Variants in RERE observed in about 807,000 individuals in gnomAD.
The protein encoded by RERE is arginine-glutamic acid dipeptide repeats, also known as arginine-glutamic acid dipeptide repeats protein.
A neutral mutation model predicts 146.1 loss-of-function variants in RERE; 40 were observed. That is an observed-to-expected ratio of 0.27 (90% CI 0.21 to 0.36). The LOEUF is 0.36. Ranked by LOEUF, RERE falls within the 10% of genes least tolerant of loss-of-function variation. The pLI, the probability that RERE is intolerant of heterozygous loss-of-function variation, is 1.00. For missense variants in RERE, 1,933 were observed against 2,138.7 expected, an observed-to-expected ratio of 0.90 and a Z score of 1.90; for synonymous variants, 1,003 against 866.0, an observed-to-expected ratio of 1.16 and a Z score of -2.78.
rs907011093 is a variant in RERE at position 8,554,666 on chromosome 1, G to T, written c.725+1809C>A. Among the ~76,000 whole-genome samples the T allele has an allele frequency of 4.1e-5, 5 of 121,356 alleles. No individual in the cohort carries two copies. The East Asian group carries it at 1.2e-3, about 30-fold the overall frequency. 79.6% of individuals were successfully genotyped at this position (121,356 alleles called of 152,430 possible). A position where few individuals can be genotyped will look rare whatever the true frequency, so the allele number is the denominator to read the frequency against. On this transcript the variant is annotated intron_variant, in intron 6 of 22. Coordinates refer to ENST00000400908, the MANE Select transcript of RERE (RefSeq NM_001042681.2). ...TGCACTCCAGGCTGGACAACAGAGC[G>T]AGATCCTGTCTCAAAAAAAAAAAAA...
Position 8,755,429 on chromosome 1 carries a change from G to A in RERE, c.-145+61731C>T, listed in dbSNP as rs563109657. On this transcript the variant is annotated intron_variant, in intron 1 of 22. Coordinates refer to ENST00000400908, the MANE Select transcript of RERE (RefSeq NM_001042681.2). ...TTAGCAGTCCTGTATTTTAGAAAAG[G>A]AACGTTTTGTAGATCTGTTGTTTAT... Among the ~76,000 whole-genome samples the A allele has an allele frequency of 5.3e-5, 8 of 152,240 alleles. No individual in the cohort carries two copies. The East Asian group carries it at 1.5e-3, about 29-fold the overall frequency.
intron 1 of RERE, among the ~76,000 whole-genome samples, chr1:8,784,714 C>T (rs1387019058): frequency 2.6e-5 from 4 of 152,024 alleles, no homozygotes; most frequent in Non-Finnish European, 4.4e-5. Context: ...TCCTAAAAGA[C>T]CCCAACTCTA....
At chr1:8,576,803 G>GT (rs1246634550) in intron 4 of RERE, among the ~76,000 whole-genome samples, 11 of 152,212 alleles carry the variant, frequency 7.2e-5, no homozygotes, top group Non-Finnish European at 1.6e-4. Context: ...TATAGAAAGA[G>GT]TAACTGGGCA....
At chr1:8,564,914 C>T (rs1473232869) in intron 4 of RERE, among the ~76,000 whole-genome samples, 4 of 150,404 alleles carry the variant, frequency 2.7e-5, no homozygotes, top group Non-Finnish European at 5.9e-5. Context: ...AAAAAGAAGA[C>T]TCCTGTCATC....
intron 12 of RERE, among the ~76,000 whole-genome samples, chr1:8,411,009 T>G (rs1424076361): frequency 6.6e-6 from 1 of 152,034 alleles, no homozygotes; most frequent in Admixed American, 6.6e-5. Context: ...TCCAGAAAAA[T>G]GTTGCAACAA....
rs1641728360 is a variant in RERE, at chr1:8,364,675, G to T, written c.1540+71C>A. 9.3e-6 allele frequency: 10 copies of T among 1,077,076 alleles called. No individual in the cohort carries two copies. In the East Asian group the frequency reaches 9.5e-5, roughly 10 times the overall value. The allele number at this position is 1,077,076 out of a possible 1,614,324, so 66.7% of individuals were successfully genotyped here. A position where few individuals can be genotyped will look rare whatever the true frequency, so the allele number is the denominator to read the frequency against. Reference sequence around the variant, plus strand: ...GTCCCTGGCAGGTTTCCAGCTGGATGCATGAAATGTTCAGAACATGGAAGT... The same window carrying T: ...GTCCCTGGCAGGTTTCCAGCTGGATTCATGAAATGTTCAGAACATGGAAGT... On this transcript the variant is annotated intron_variant, in intron 14 of 22. Transcript: ENST00000400908. The surrounding 1 kb of genome is among the most constrained non-coding windows in gnomAD (Gnocchi z 5.1).
chr1:8,559,296 A>AAAAAAAAAAAAAAC, intron 4 of RERE, among the ~76,000 whole-genome samples: 2 of 144,748 alleles, frequency 1.4e-5, no homozygotes, highest in African/African-American at 2.5e-5. Flanking sequence ...AAAAAAAAAA[A>AAAAAAAAAAAAAAC]AAAAAAAACA....
chr1:8,771,891 C>CA (rs1376858075), intron 1 of RERE, among the ~76,000 whole-genome samples: 1 of 118,268 alleles, frequency 8.5e-6, no homozygotes, highest in Non-Finnish European at 1.6e-5. Context: ...GCCTGGGTGA[C>CA]AGAGTGAGAC....
At chr1:8,359,148 C>T (rs1641443377) in intron 19 of RERE, among the ~76,000 whole-genome samples, 2 of 152,172 alleles carry the variant, frequency 1.3e-5, no homozygotes, top group African/African-American at 2.4e-5. Context: ...GGAATGTGTC[C>T]CTGTGAGACT....
intron 6 of RERE, among the ~76,000 whole-genome samples, chr1:8,544,163 A>T (rs1263005280): frequency 6.6e-6 from 1 of 152,210 alleles, no homozygotes; most frequent in East Asian, 1.9e-4. Context: ...TGCTATCAAT[A>T]GAGTGAAAAC....
chr1:8,384,966 T>G (rs1642587782), intron 12 of RERE, among the ~76,000 whole-genome samples: 2 of 152,176 alleles, frequency 1.3e-5, no homozygotes, highest in Admixed American at 1.3e-4. Context: ...AGGCAGCACC[T>G]AACAAGTCTC....
At chr1:8,488,756 C>T (rs1644937815) in intron 10 of RERE, among the ~76,000 whole-genome samples, 1 of 152,062 alleles carries the variant, frequency 6.6e-6, no homozygotes, top group South Asian at 2.1e-4. Context: ...AAGATCCAAA[C>T]ATAAAAAAGC....
intron 11 of RERE, among the ~76,000 whole-genome samples, chr1:8,435,686 T>A (rs1644160571): frequency 6.6e-6 from 1 of 152,178 alleles, no homozygotes; most frequent in African/African-American, 2.4e-5. Context: ...GTTACTCCAT[T>A]TTTCATTCAA....
At chr1:8,617,411 A>G (rs1483911584) in intron 3 of RERE, among the ~76,000 whole-genome samples, 1 of 149,808 alleles carries the variant, frequency 6.7e-6, no homozygotes, top group African/African-American at 2.5e-5. Flanking sequence ...TAGAAATCAC[A>G]AATTTGTATG....
At chr1:8,693,085 GACA>G (rs1639243879) in intron 1 of RERE, among the ~76,000 whole-genome samples, 1 of 152,148 alleles carries the variant, frequency 6.6e-6, no homozygotes, top group African/African-American at 2.4e-5. Context: ...CCACTACACT[GACA>G]ACACCAAATG....
At chr1:8,718,474 C>T (rs1244899370) in intron 1 of RERE, among the ~76,000 whole-genome samples, 1 of 152,192 alleles carries the variant, frequency 6.6e-6, no homozygotes, top group African/African-American at 2.4e-5. Context: ...TGGTGCAAGC[C>T]AATGGATCAC....
At chr1:8,795,473 T>G (rs1641450687) in intron 1 of RERE, among the ~76,000 whole-genome samples, 1 of 152,132 alleles carries the variant, frequency 6.6e-6, no homozygotes, top group African/African-American at 2.4e-5. Flanking sequence ...ATTTTTATAT[T>G]TTCAAGGTAT....
intron 11 of RERE, among the ~76,000 whole-genome samples, chr1:8,450,246 T>A (rs1644375343): frequency 6.6e-6 from 1 of 151,862 alleles, no homozygotes; most frequent in African/African-American, 2.4e-5. Flanking sequence ...AACTCTATCT[T>A]CTCGTACCTT....
chr1:8,399,919 A>AG (rs1643191196), intron 12 of RERE, among the ~76,000 whole-genome samples: 1 of 151,710 alleles, frequency 6.6e-6, no homozygotes, highest in Non-Finnish European at 1.5e-5. Context: ...TAAGAGACAG[A>AG]GTCTCACTAT....
Sources: gnomAD v4.1 joint callset for allele counts (sites outside exome capture counted in the v4.1 genomes callset) on GRCh38, gnomAD v4.1.1 for gene constraint, Gnocchi (gnomAD v3.1) non-coding constraint, MANE v1.5 for transcripts, NCBI Gene and HGNC (gene_info 2026-07-23, HGNC 2026-07-21) for gene names.